Variants in TIMM8A observed in about 807,000 individuals in gnomAD.
TIMM8A encodes mitochondrial import inner membrane translocase subunit Tim8 A.
TIMM8A carries 2 observed loss-of-function variants against 6.8 expected under a neutral mutation model. The observed-to-expected ratio is 0.30, with a 90% CI of 0.12 to 0.93. The LOEUF is 0.93. Ranked by LOEUF, TIMM8A falls within the 40% of genes least tolerant of loss-of-function variation. The pLI is 0.55. For missense variants in TIMM8A, 34 were observed against 75.2 expected (o/e 0.45, Z 2.02); for synonymous variants, 26 against 28.5 (o/e 0.91, Z 0.28).
chrX:101,348,716 C>G lies in TIMM8A; in HGVS notation c.-52G>C, dbSNP rs2052337321. The G allele has an allele frequency of 8.3e-7, 1 of 1,204,509 alleles. No homozygotes were observed. Among genetic ancestry groups the G allele is most frequent in the African/African-American group, 1.8e-5 (1 of 57,080 alleles). On this transcript the variant is annotated 5_prime_UTR_variant, in exon 1 of 2. Transcript: ENST00000372902. ...GAACTCCGCACCGACCTTCACGTGT[C>G]TCCGCGACGGAACCGGAACCACAGC...
intron 1 of TIMM8A, 161 bp from the exon 2 acceptor site, chrX:101,346,821 A>G: frequency 2.1e-6 from 1 of 471,251 alleles, no homozygotes; most frequent in East Asian, 3.7e-5. Flanking sequence ...CCAAGTATAT[A>G]GCAATGTTCT....
chrX:101,348,559 C>T lies in TIMM8A; in HGVS notation c.106G>A (p.Val36Met). The T allele has an allele frequency of 8.3e-7, 1 of 1,211,210 alleles. No individual in the cohort carries two copies. Among genetic ancestry groups the T allele is most frequent in the Non-Finnish European group, 1.1e-6 (1 of 895,377 alleles). Reference sequence around the variant, plus strand: ...CAACAAAGTTCAGTCATCTGGTGCACCAGCTGCTGGAAGCGCTGCTTTTGA... The same window carrying T: ...CAACAAAGTTCAGTCATCTGGTGCATCAGCTGCTGGAAGCGCTGCTTTTGA... ...ETQKQRFQQLVHQMTELCWEK... is the reference protein window; with the variant it reads ...ETQKQRFQQLMHQMTELCWEK... Residue 36 changes from valine (V) to methionine (M), a missense_variant, in exon 1 of 2, where the codon GTG (valine) becomes ATG (methionine). Physicochemically the swap from Val to Met is conservative, Grantham distance 21. Transcript: ENST00000372902.
At chrX:101,348,297 T>G (rs1926131733) in intron 1 of TIMM8A, 5 of 1,165,183 alleles carry the variant, frequency 4.3e-6, no homozygotes, top group Non-Finnish European at 5.7e-6. Context: ...GTGGCATAAG[T>G]CTTCTTTGAT....
chrX:101,347,247 T>G (rs1407897651), intron 1 of TIMM8A: 2 of 110,781 alleles, frequency 1.8e-5, no homozygotes, highest in African/African-American at 6.6e-5. Context: ...CATCATAGCT[T>G]ACAGTTTTTT....
Position 101,346,324 on chromosome X carries a change from T to C in TIMM8A, c.*175A>G, listed in dbSNP as rs1926068148. The stretch of plus-strand genomic sequence containing the variant: ...GCATTAAAAAATACAAGCAAACATA[T>C]GACCCTTAAGCTTCACACACAAAAA... On this transcript the variant is annotated 3_prime_UTR_variant, in exon 2 of 2. Transcript: ENST00000372902. 1.9e-5 allele frequency: 21 copies of C among 1,133,772 alleles called. No homozygotes were observed. Among genetic ancestry groups the C allele is most frequent in the Admixed American group, 6.1e-5 (2 of 32,959 alleles). The allele number at this position is 1,133,772 out of a possible 1,213,427, so 93.4% of individuals were successfully genotyped here. A position where few individuals can be genotyped will look rare whatever the true frequency, so the allele number is the denominator to read the frequency against.
chrX:101,346,338 C>A lies in TIMM8A; in HGVS notation c.*161G>T. The A allele has an allele frequency of 8.6e-7, 1 of 1,167,324 alleles. No individual in the cohort carries two copies. Among genetic ancestry groups the A allele is most frequent in the Non-Finnish European group, 1.1e-6 (1 of 874,628 alleles). On this transcript the variant is annotated 3_prime_UTR_variant, in exon 2 of 2. Transcript: ENST00000372902. ...AAGCAAACATATGACCCTTAAGCTT[C>A]ACACACAAAAAATTGGTCTTTGTTC...
At chrX:101,347,999 G>T in intron 1 of TIMM8A, 2 of 829,685 alleles carry the variant, frequency 2.4e-6, no homozygotes, top group East Asian at 1.8e-4. Flanking sequence ...AAACGGCTTG[G>T]TATTACACAA....
chrX:101,348,488 G>C (rs782644624), intron 1 of TIMM8A, 45 bp downstream of exon 1: 2 of 1,204,636 alleles, frequency 1.7e-6, no homozygotes, highest in South Asian at 1.8e-5. Flanking sequence ...CAAGGACAGA[G>C]GGAAAGTAGG....
rs782786272 is a variant in TIMM8A at position 101,347,275 on chromosome X, CT to C, written c.133-616del. On this transcript the variant is annotated intron_variant, in intron 1 of 1. Coordinates refer to ENST00000372902, the MANE Select transcript of TIMM8A (RefSeq NM_004085.4). ...AGTTTTTTTTCCTTTCTTTTCTTTT[CT>C]TTTTTTTTTTTGAGACAGAGTCTGG... The C allele has an allele frequency of 5.9e-3, 604 of 102,154 alleles. 8 individuals are homozygous for C. Among genetic ancestry groups the C allele is most frequent in the African/African-American group, 0.019 (529 of 28,346 alleles). 8.4% of individuals were successfully genotyped at this position (102,154 alleles called of 1,213,427 possible). A position where few individuals can be genotyped will look rare whatever the true frequency, so the allele number is the denominator to read the frequency against.
At position 101,346,073 on chromosome X, in the gene TIMM8A, G is replaced by T. The variant is rs1555976047; in HGVS notation, c.*426C>A. On this transcript the variant is annotated 3_prime_UTR_variant, in exon 2 of 2. Coordinates refer to ENST00000372902, the MANE Select transcript of TIMM8A (RefSeq NM_004085.4). ...CATTGACAATCAAACACTAGATAAGGATACCAAATTATTCTTCCCCTACTT... is the reference window on the plus strand; with the variant it reads ...CATTGACAATCAAACACTAGATAAGTATACCAAATTATTCTTCCCCTACTT... 4.9e-6 allele frequency: 4 copies of T among 821,078 alleles called. No individual in the cohort carries two copies. In the African/African-American group the frequency reaches 8.9e-5, roughly 18 times the overall value. 67.7% of individuals were successfully genotyped at this position (821,078 alleles called of 1,213,427 possible).
rs781834340 is a variant in TIMM8A at position 101,348,693 on chromosome X, A to T, written c.-29T>A. ...AGGGCGACCAAGCTTGCAGAGACGA[A>T]CTCCGCACCGACCTTCACGTGTCTC... On this transcript the variant is annotated 5_prime_UTR_variant, in exon 1 of 2. Transcript: ENST00000372902. 8.3e-7 allele frequency: 1 copy of T among 1,204,147 alleles called. No homozygotes were observed. The highest frequency in any genetic ancestry group is 3.0e-5 in the East Asian group (1 of 33,387).
Position 101,346,419 on chromosome X carries a change from A to G in TIMM8A, c.*80T>C. On this transcript the variant is annotated 3_prime_UTR_variant, in exon 2 of 2. Transcript: ENST00000372902. The stretch of plus-strand genomic sequence containing the variant: ...ACAAAAGATGGGAGCCAATCCTCTC[A>G]TAGCTGTTTCTTCAATCATCCCATC... 1 of 1,210,007 alleles carries G rather than the reference A, an allele frequency of 8.3e-7. No homozygotes were observed. Among genetic ancestry groups the G allele is most frequent in the South Asian group, 1.8e-5 (1 of 56,857 alleles).
chrX:101,347,846 C>G (rs1443299059), intron 1 of TIMM8A: 1 of 154,368 alleles, frequency 6.5e-6, no homozygotes, highest in Non-Finnish European at 1.1e-5. Context: ...TTATCCTTGG[C>G]CTCTGAATTC....
intron 1 of TIMM8A, 197 bp downstream of exon 1, chrX:101,348,336 G>A: frequency 8.6e-7 from 1 of 1,167,801 alleles, no homozygotes. Context: ...ACAAAGCCGA[G>A]GTCCGGAATG....
chrX:101,348,562 G>A lies in TIMM8A; in HGVS notation c.103C>T (p.Leu35=), dbSNP rs376309906. 1.1e-5 allele frequency: 13 copies of A among 1,208,706 alleles called. No homozygotes were observed. The highest frequency in any genetic ancestry group is 1.3e-5 in the Non-Finnish European group (12 of 894,902). The change falls in exon 1 of 2, where the codon CTG becomes TTG. Residue 35 remains leucine, a synonymous_variant. Transcript: ENST00000372902. ...CAAAGTTCAGTCATCTGGTGCACCA[G>A]CTGCTGGAAGCGCTGCTTTTGAGTC... is the stretch of plus-strand genomic sequence containing the variant. ...VETQKQRFQQ[L]VHQMTELCWE... is the part of the protein sequence containing the mutation.
At chrX:101,346,831 T>C in intron 1 of TIMM8A, 171 bp from the exon 2 acceptor site, 1 of 447,318 alleles carries the variant, frequency 2.2e-6, no homozygotes, top group Non-Finnish European at 3.8e-6. Flanking sequence ...AGCAATGTTC[T>C]CTAGCCTTAC....
At chrX:101,348,366 A>G (rs782015749) in intron 1 of TIMM8A, 167 bp downstream of exon 1, 1 of 1,172,439 alleles carries the variant, frequency 8.5e-7, no homozygotes, top group Non-Finnish European at 1.1e-6. Flanking sequence ...AGAGAAGCGG[A>G]GTCACCCTTC....
chrX:101,346,200 A>T lies in TIMM8A; in HGVS notation c.*299T>A. On this transcript the variant is annotated 3_prime_UTR_variant, in exon 2 of 2. Coordinates refer to ENST00000372902, the MANE Select transcript of TIMM8A (RefSeq NM_004085.4). ...GTGGTCCCACTATCAAAATTATAGG[A>T]AGCAGTTAATGGGGCTTTGAGAAAA... 1 of 911,081 alleles carries T rather than the reference A, an allele frequency of 1.1e-6. No homozygotes were observed. Among genetic ancestry groups the T allele is most frequent in the South Asian group, 3.7e-5 (1 of 26,994 alleles). The allele number at this position is 911,081 out of a possible 1,213,427, so 75.1% of individuals were successfully genotyped here. A position where few individuals can be genotyped will look rare whatever the true frequency, so the allele number is the denominator to read the frequency against.
Position 101,345,711 on chromosome X carries a change from G to C in TIMM8A, c.*788C>G. 1 of 750,370 alleles carries C rather than the reference G, an allele frequency of 1.3e-6. No homozygotes were observed. The highest frequency in any genetic ancestry group is 1.6e-6 in the Non-Finnish European group (1 of 636,796). 61.8% of individuals were successfully genotyped at this position (750,370 alleles called of 1,213,427 possible). On this transcript the variant is annotated 3_prime_UTR_variant, in exon 2 of 2. Transcript: ENST00000372902. ...AGTGATCAGAAGAATGCAGTAAATG[G>C]AATCTACACTAACTAACATTAGGCA...
Sources: allele counts gnomAD v4.1 joint callset, GRCh38; gene constraint gnomAD v4.1.1; transcripts MANE v1.5; gene names NCBI Gene and HGNC (gene_info 2026-07-23, HGNC 2026-07-21).